The following ANGPT1 variants were observed in gnomAD, a reference collection of about 807,000 sequenced individuals.
ANGPT1 encodes the protein angiopoietin-1.
In ANGPT1, 17 loss-of-function variants were observed where a neutral mutation model predicts 62.2. The observed-to-expected ratio is 0.27, with a 90% CI of 0.19 to 0.41. The LOEUF is 0.41. ANGPT1 is among the 10% of genes least tolerant of loss of function. The pLI is 1.00. For synonymous variants in ANGPT1, 199 were observed against 198.9 expected, an observed-to-expected ratio of 1.00 and a Z score of 0.00; for missense variants, 478 against 594.9, an observed-to-expected ratio of 0.80 and a Z score of 2.04.
At chr8:107,296,299 AC>A (rs1395686168) in intron 5 of ANGPT1, among the ~76,000 whole-genome samples, 1 of 152,070 alleles carries the variant, frequency 6.6e-6, no homozygotes, top group African/African-American at 2.4e-5. Flanking sequence ...TGTCCCCAGT[AC>A]CTAGAGGTGT....
intron 1 of ANGPT1, among the ~76,000 whole-genome samples, chr8:107,352,897 C>T (rs1464181328): frequency 6.6e-6 from 1 of 151,842 alleles, no homozygotes; most frequent in South Asian, 2.1e-4. Context: ...ATGGTTTTAT[C>T]TAATCTCATT....
chr8:107,307,057 A>T (rs889621391), intron 4 of ANGPT1, among the ~76,000 whole-genome samples: 2 of 152,102 alleles, frequency 1.3e-5, no homozygotes, highest in African/African-American at 2.4e-5. Context: ...ACGAGTTAAA[A>T]GGTTGATCTT....
At chr8:107,343,643 A>G (rs1300082666) in intron 2 of ANGPT1, among the ~76,000 whole-genome samples, 1 of 152,320 alleles carries the variant, frequency 6.6e-6, no homozygotes, top group East Asian at 1.9e-4. Flanking sequence ...CAGATCATTA[A>G]TTTGACTGAA....
chr8:107,413,106 G>T (rs1190718012), intron 1 of ANGPT1, among the ~76,000 whole-genome samples: 1 of 152,122 alleles, frequency 6.6e-6, no homozygotes, highest in Non-Finnish European at 1.5e-5. Flanking sequence ...TATCAAAAGG[G>T]ATAAGTTTAC....
chr8:107,270,249 GT>G (rs1563543067), intron 7 of ANGPT1, among the ~76,000 whole-genome samples: 1 of 152,004 alleles, frequency 6.6e-6, no homozygotes, highest in South Asian at 2.1e-4. Flanking sequence ...GGCAGTGGGA[GT>G]TGTTTGTATG....
At chr8:107,428,632 T>TTGTG (rs140085272) in intron 1 of ANGPT1, among the ~76,000 whole-genome samples, 2,958 of 149,284 alleles carry the variant, frequency 0.02, 87 homozygotes, top group African/African-American at 0.06. Context: ...TTTTTTCATT[T>TTGTG]TGTGTGTGTG....
In ANGPT1 at chr8:107,303,371, CAAAA is replaced by C; in HGVS notation, c.809-8_809-5del. On this transcript the variant is annotated splice_polypyrimidine_tract_variant and splice_region_variant and intron_variant, in intron 4 of 8. Coordinates refer to ENST00000517746, the MANE Select transcript of ANGPT1 (RefSeq NM_001146.5). ...CTTTTTCCTCCCTTTAGTAAAACTGCAAAAAAAAAAAAAAAGATTGCAATATGTG... is the reference window on the plus strand; with the variant it reads ...CTTTTTCCTCCCTTTAGTAAAACTGCAAAAAAAAAAAGATTGCAATATGTG... 1.8e-5 allele frequency: 26 copies of C among 1,427,888 alleles called. No individual in the cohort carries two copies. The highest frequency in any genetic ancestry group is 3.9e-5 in the South Asian group (3 of 77,544). 88.5% of individuals were successfully genotyped at this position (1,427,888 alleles called of 1,614,324 possible).
chr8:107,388,177 G>C (rs554329691), intron 1 of ANGPT1, among the ~76,000 whole-genome samples: 2 of 152,038 alleles, frequency 1.3e-5, no homozygotes, highest in South Asian at 4.2e-4. Flanking sequence ...CAACAGCTTT[G>C]GATAAAGTTC....
chr8:107,414,169 G>T (rs543106677), intron 1 of ANGPT1, among the ~76,000 whole-genome samples: 1 of 152,258 alleles, frequency 6.6e-6, no homozygotes, highest in Non-Finnish European at 1.5e-5. Flanking sequence ...CTCAAGGATA[G>T]CAGTTCTTTG....
At chr8:107,361,270 A>G (rs1816155800) in intron 1 of ANGPT1, among the ~76,000 whole-genome samples, 1 of 151,944 alleles carries the variant, frequency 6.6e-6, no homozygotes, top group South Asian at 2.1e-4. Flanking sequence ...TTTGGGAAAT[A>G]GTGTTTTCTT....
At position 107,277,647 on chromosome 8, in the gene ANGPT1, T is replaced by C. The variant is rs73701008; in HGVS notation, c.1205+7035A>G. Reference sequence around the variant, plus strand: ...TGATTAAGCTTAGCCCAATCAATAATGGAACAAATTAATCTTTTGTGCCTT... The same window carrying C: ...TGATTAAGCTTAGCCCAATCAATAACGGAACAAATTAATCTTTTGTGCCTT... On this transcript the variant is annotated intron_variant, in intron 7 of 8. Coordinates refer to ENST00000517746, the MANE Select transcript of ANGPT1 (RefSeq NM_001146.5). 9.5e-3 allele frequency among the ~76,000 whole-genome samples: 1,442 copies of C among 152,248 alleles called. 22 individuals are homozygous for C. Among genetic ancestry groups the C allele is most frequent in the African/African-American group, 0.033 (1,374 of 41,546 alleles).
In ANGPT1 at chr8:107,250,384, C is replaced by T. The variant is rs1321165613; in HGVS notation, c.*1471G>A. ...ATTTCCATTGAGTTATTTATGGCAA[C>T]TAGCAGTCAGAATTTCTTAGTCAGG... On this transcript the variant is annotated 3_prime_UTR_variant, in exon 9 of 9. Coordinates refer to ENST00000517746, the MANE Select transcript of ANGPT1 (RefSeq NM_001146.5). 6.6e-6 allele frequency: 1 copy of T among 152,094 alleles called. No individual in the cohort carries two copies. Among genetic ancestry groups the T allele is most frequent in the East Asian group, 1.9e-4 (1 of 5,194 alleles). The allele number at this position is 152,094 out of a possible 1,614,324, so 9.4% of individuals were successfully genotyped here. A position where few individuals can be genotyped will look rare whatever the true frequency, so the allele number is the denominator to read the frequency against.
At chr8:107,282,406 T>C (rs1401717921) in intron 7 of ANGPT1, among the ~76,000 whole-genome samples, 3 of 127,026 alleles carry the variant, frequency 2.4e-5, no homozygotes, top group African/African-American at 9.2e-5. Flanking sequence ...CAAAATTATA[T>C]ATATGAGGCT....
chr8:107,466,807 G>C (rs1812210803), intron 1 of ANGPT1, among the ~76,000 whole-genome samples: 1 of 152,028 alleles, frequency 6.6e-6, no homozygotes, highest in Non-Finnish European at 1.5e-5. Flanking sequence ...AGTTACTTAG[G>C]AGGCTGAGAT....
chr8:107,442,471 A>G (rs1421415132), intron 1 of ANGPT1, among the ~76,000 whole-genome samples: 6 of 152,168 alleles, frequency 3.9e-5, no homozygotes, highest in Admixed American at 2.0e-4. Flanking sequence ...TGCCTTGTGT[A>G]GCTCCTTACT....
intron 2 of ANGPT1, among the ~76,000 whole-genome samples, chr8:107,339,475 C>T (rs977822291): frequency 2.6e-5 from 4 of 152,138 alleles, no homozygotes; most frequent in African/African-American, 7.2e-5. Context: ...CCACCCCTTC[C>T]TAGATGCATG....
intron 1 of ANGPT1, among the ~76,000 whole-genome samples, chr8:107,353,194 C>T (rs9297394): frequency 0.013 from 1,954 of 152,138 alleles, 48 homozygotes; most frequent in African/African-American, 0.044. Flanking sequence ...AGAAAGAAAA[C>T]CATTAGTACA....
At chr8:107,379,782 G>A (rs1273159450) in intron 1 of ANGPT1, among the ~76,000 whole-genome samples, 1 of 152,142 alleles carries the variant, frequency 6.6e-6, no homozygotes, top group South Asian at 2.1e-4. Context: ...TATGGCAAGA[G>A]GGAAGATGAC....
chr8:107,271,374 T>C (rs757689915), intron 7 of ANGPT1, among the ~76,000 whole-genome samples: 2 of 152,068 alleles, frequency 1.3e-5, no homozygotes, highest in Non-Finnish European at 2.9e-5. Context: ...ATTAAAGTAA[T>C]CAAACTTCCT....
Sources: allele counts gnomAD v4.1 joint callset (sites outside exome capture counted in the v4.1 genomes callset), GRCh38; gene constraint gnomAD v4.1.1; transcripts MANE v1.5; gene names NCBI Gene and HGNC (gene_info 2026-07-23, HGNC 2026-07-21).